KCNT1: variants seen among roughly 807,000 people sequenced by gnomAD.
KCNT1 encodes potassium sodium-activated channel subfamily T member 1, also known as potassium channel subfamily T member 1.
In KCNT1, 78 loss-of-function variants were observed where a neutral mutation model predicts 147.8. The ratio of observed to expected loss-of-function variants is 0.53; its 90% CI spans 0.44 to 0.64. The LOEUF (loss-of-function observed/expected upper bound fraction) is 0.64. Ranked by LOEUF, KCNT1 falls within the 30% of genes least tolerant of loss-of-function variation. The probability of loss-of-function intolerance (pLI) is 0.00; values close to 1 mark genes in which losing one functional copy is unlikely to be tolerated. For synonymous variants in KCNT1, 867 were observed against 748.8 expected, an observed-to-expected ratio of 1.16 and a Z score of -2.58; for missense variants, 1,419 against 1,750.3, an observed-to-expected ratio of 0.81 and a Z score of 3.38.
chr9:135,770,223 C>G, intron 16 of KCNT1, 75 bp from the exon 17 acceptor site: 2 of 1,517,316 alleles, frequency 1.3e-6, no homozygotes, highest in Non-Finnish European at 1.8e-6. Flanking sequence ...GAGGGGGGCA[C>G]CTGCAGACCC....
intron 12 of KCNT1, among the ~76,000 whole-genome samples, 195 bp downstream of exon 12, chr9:135,765,390 GCTT>G: frequency 7.1e-6 from 1 of 140,932 alleles, no homozygotes. Flanking sequence ...CCCCAGGACT[GCTT>G]GGCAAGTCCC....
At chr9:135,749,354 T>C (rs73557209) in intron 2 of KCNT1, among the ~76,000 whole-genome samples, 4,118 of 152,234 alleles carry the variant, frequency 0.027, 176 homozygotes, top group African/African-American at 0.092. Context: ...CACTGTGGTC[T>C]CTTCTCAGGA....
At position 135,781,714 on chromosome 9, in the gene KCNT1, A is replaced by T. The variant is rs559684122; in HGVS notation, c.2841+2244A>T. Among the ~76,000 whole-genome samples, 7 of 151,962 alleles carry T rather than the reference A, an allele frequency of 4.6e-5. No individual in the cohort carries two copies. The East Asian group carries it at 1.4e-3, about 29-fold the overall frequency. ...CATCTTCTACATCCAGGCCCAGTGG[A>T]AGGATAAAGACAGGATTCCAGGCAC... is the stretch of plus-strand genomic sequence containing the variant. On this transcript the variant is annotated intron_variant, in intron 24 of 30. Transcript: ENST00000371757.
At chr9:135,757,005 C>CCCCCATCT (rs1831534025) in intron 7 of KCNT1, 73 bp downstream of exon 7, 1 of 824,684 alleles carries the variant, frequency 1.2e-6, no homozygotes, top group Non-Finnish European at 1.9e-6. Context: ...TCCCCCACCT[C>CCCCCATCT]CCCCACCCTC....
At chr9:135,751,168 C>T in intron 4 of KCNT1, 127 bp downstream of exon 4, 1 of 830,104 alleles carries the variant, frequency 1.2e-6, no homozygotes, top group South Asian at 1.5e-5. Context: ...GGAGTCCTTC[C>T]TTCCCCAGTG....
chr9:135,726,132 G>A (rs1836128899), intron 2 of KCNT1, among the ~76,000 whole-genome samples: 2 of 152,156 alleles, frequency 1.3e-5, no homozygotes, highest in Non-Finnish European at 2.9e-5. Context: ...CAGTCGTGGG[G>A]GCAGGGGGAT....
At chr9:135,756,812 G>A (rs1831509067) in intron 6 of KCNT1, 61 bp from the exon 7 acceptor site, 6 of 1,416,220 alleles carry the variant, frequency 4.2e-6, no homozygotes, top group Non-Finnish European at 6.0e-6. Context: ...AGGCCTGTGG[G>A]GTCAGGCCCC....
At position 135,757,329 on chromosome 9, in the gene KCNT1, T is replaced by A. The variant is rs1369296811; in HGVS notation, c.707T>A (p.Ile236Asn). 6 of 1,611,564 alleles carry A rather than the reference T, an allele frequency of 3.7e-6. No individual in the cohort carries two copies. ...IFWPPLRNLFIPVFLNCWLAK... is the reference protein window; with the variant it reads ...IFWPPLRNLFNPVFLNCWLAK... ...TGGCCGCCGCTGCGGAACCTGTTCA[T>A]CCCCGTCTTTCTGAACTGCTGGCTG... Residue 236 changes from isoleucine (I) to asparagine (N), a missense_variant, in exon 9 of 31, where the codon ATC becomes AAC. Transcript: ENST00000371757.
intron 2 of KCNT1, among the ~76,000 whole-genome samples, chr9:135,718,067 G>GGA (rs759389288): frequency 7.2e-5 from 11 of 152,236 alleles, no homozygotes; most frequent in Non-Finnish European, 1.2e-4. Flanking sequence ...CTGACCTGGA[G>GGA]GAGGGGATCA....
chr9:135,770,365 C>T lies in KCNT1; in HGVS notation c.1687C>T (p.His563Tyr), dbSNP rs1190253737. ...YGRCSGNEVY[H>Y]IRMGDSKFFR... ...GCGCTGCTCCGGCAACGAGGTGTAC[C>T]ACATCCGCATGGGTGACAGCAAGTT... The change falls in exon 17 of 31, where the codon CAC (histidine) becomes TAC (tyrosine). Residue 563 changes from histidine (H) to tyrosine (Y), a missense_variant. Transcript: ENST00000371757. The T allele has an allele frequency of 6.2e-6, 10 of 1,613,180 alleles. No individual in the cohort carries two copies. The highest frequency in any genetic ancestry group is 8.5e-6 in the Non-Finnish European group (10 of 1,179,786).
At chr9:135,741,176 C>CA (rs1237025657) in intron 2 of KCNT1, among the ~76,000 whole-genome samples, 1 of 152,236 alleles carries the variant, frequency 6.6e-6, no homozygotes, top group Non-Finnish European at 1.5e-5. Context: ...CCTCAACACT[C>CA]AGACAACAGG....
intron 2 of KCNT1, among the ~76,000 whole-genome samples, chr9:135,743,806 G>A (rs756557359): frequency 6.6e-6 from 1 of 152,244 alleles, no homozygotes; most frequent in Non-Finnish European, 1.5e-5. Flanking sequence ...AGCCTCACCT[G>A]GGCCCCTGGC....
chr9:135,747,071 G>A (rs1022886098), intron 2 of KCNT1, among the ~76,000 whole-genome samples: 3 of 152,066 alleles, frequency 2.0e-5, no homozygotes, highest in Admixed American at 6.5e-5. Context: ...TCACCCCTGC[G>A]TGGCACTTAA....
rs780676286 is a variant in KCNT1 at position 135,757,183 on chromosome 9, G to A, written c.628G>A (p.Val210Met). 5.6e-6 allele frequency: 9 copies of A among 1,604,134 alleles called. No individual in the cohort carries two copies. The highest frequency in any genetic ancestry group is 1.7e-5 in the Admixed American group (1 of 58,880). The change falls in exon 8 of 31, where the codon GTG (valine) becomes ATG (methionine). Residue 210 changes from valine (V) to methionine (M), a missense_variant. Physicochemically the swap from Val to Met is conservative, Grantham distance 21. Coordinates refer to ENST00000371757, the MANE Select transcript of KCNT1 (RefSeq NM_020822.3). ...KGNIWEQIFR[V>M]SFVLEMINTL... The stretch of plus-strand genomic sequence containing the variant: ...CAACATCTGGGAGCAGATCTTCCGC[G>A]TGTCCTTCGTCCTGGAGATGATCAA...
At chr9:135,734,454 A>G (rs530135934) in intron 2 of KCNT1, among the ~76,000 whole-genome samples, 1 of 152,330 alleles carries the variant, frequency 6.6e-6, no homozygotes, top group Non-Finnish European at 1.5e-5. Context: ...ATAGACAGTC[A>G]TTTCAAAATA....
At position 135,765,639 on chromosome 9, in the gene KCNT1, A is replaced by C. The variant is rs1327895631; in HGVS notation, c.1216A>C (p.Ile406Leu). Reference protein sequence around the residue: ...HPRLQDYYVVILCPTEMDVQV... With the variant: ...HPRLQDYYVVLLCPTEMDVQV... ...TGGCCGGCAGGACTATTACGTGGTC[A>C]TCCTGTGCCCCACGGAGATGGATGT... Residue 406 changes from isoleucine (I) to leucine (L), a missense_variant, in exon 13 of 31, where the codon ATC becomes CTC. Transcript: ENST00000371757. 6.2e-7 allele frequency: 1 copy of C among 1,610,552 alleles called. No homozygotes were observed.
Position 135,770,979 on chromosome 9 carries a change from A to G in KCNT1, c.1892A>G (p.Glu631Gly). ...TTCTACATCAACATCACCAAGGAGG[A>G]GAACTCGGCCTTCATCTTCAAGCAG... ...TCFYINITKE[E>G]NSAFIFKQEE... is the part of the protein sequence containing the mutation. The change falls in exon 18 of 31, where the codon GAG becomes GGG. Residue 631 changes from glutamate to glycine, a missense_variant. By Grantham distance (98) the Glu-to-Gly change is moderately conservative. Around this residue, in one of 5 missense-constraint regions of KCNT1, gnomAD observed 284 missense variants for 292.8 expected, o/e 0.97. Coordinates refer to ENST00000371757, the MANE Select transcript of KCNT1 (RefSeq NM_020822.3). The G allele has an allele frequency of 6.2e-7, 1 of 1,613,942 alleles. No individual in the cohort carries two copies. The highest frequency in any genetic ancestry group is 8.5e-7 in the Non-Finnish European group (1 of 1,179,944).
chr9:135,758,341 T>G (rs1175779033), intron 9 of KCNT1, 73 bp from the exon 10 acceptor site: 3 of 1,150,390 alleles, frequency 2.6e-6, no homozygotes. Context: ...CCACTGTCCT[T>G]CTAGTCTCTA....
intron 17 of KCNT1, 92 bp from the exon 18 acceptor site, chr9:135,770,765 T>TG (rs1378732335): frequency 4.0e-6 from 5 of 1,236,790 alleles, no homozygotes; most frequent in Non-Finnish European, 5.7e-6. Flanking sequence ...GGAGCTCCGG[T>TG]GGGGACTCTG....
Sources: gnomAD v4.1 joint callset for allele counts (sites outside exome capture counted in the v4.1 genomes callset) on GRCh38, gnomAD v4.1.1 for gene constraint, gnomAD v4.1.1 regional missense constraint, MANE v1.5 for transcripts, NCBI Gene and HGNC (gene_info 2026-07-23, HGNC 2026-07-21) for gene names.